ADGRL1: variants seen among roughly 807,000 people sequenced by gnomAD.
ADGRL1 encodes the protein adhesion G protein-coupled receptor L1.
A neutral mutation model predicts 148.9 loss-of-function variants in ADGRL1; 31 were observed. The ratio of observed to expected loss-of-function variants is 0.21; its 90% CI spans 0.16 to 0.28. ADGRL1 has a LOEUF of 0.28. Ranked by LOEUF, ADGRL1 falls within the 10% of genes least tolerant of loss-of-function variation. The probability of loss-of-function intolerance (pLI) is 1.00; values close to 1 mark genes in which losing one functional copy is unlikely to be tolerated. For missense variants in ADGRL1, 1,521 were observed against 2,058.8 expected (o/e 0.74, Z 5.05); for synonymous variants, 937 against 900.3 (o/e 1.04, Z -0.73).
rs770032962 is a variant in ADGRL1, at chr19:14,152,953, T to C, written c.3295-41A>G. 6.2e-7 allele frequency: 1 copy of C among 1,605,324 alleles called. No homozygotes were observed. The highest frequency in any genetic ancestry group is 1.3e-5 in the African/African-American group (1 of 74,840). ...CAGTCAGCTGGCTGGGACACTGGCC[T>C]CCTCTGTGATCCAGTCTCCCACAGG... On this transcript the variant is annotated intron_variant, in intron 18 of 22. Transcript: ENST00000361434. This position sits in a 1 kb window ranked among gnomAD's most constrained non-coding sequence, Gnocchi z 6.1.
intron 1 of ADGRL1, among the ~76,000 whole-genome samples, chr19:14,192,301 C>T (rs1205639677): frequency 2.0e-5 from 3 of 152,168 alleles, no homozygotes; most frequent in South Asian, 4.2e-4. Context: ...AGTGCAGTGG[C>T]GCGATCTCGG....
At position 14,157,609 on chromosome 19, in the gene ADGRL1, C is replaced by G. The variant is rs572947583; in HGVS notation, c.2536-149G>C. 3.8e-6 allele frequency: 3 copies of G among 785,984 alleles called. No individual in the cohort carries two copies. Among genetic ancestry groups the G allele is most frequent in the African/African-American group, 3.5e-5 (2 of 57,400 alleles). 48.7% of individuals were successfully genotyped at this position (785,984 alleles called of 1,614,324 possible). A position where few individuals can be genotyped will look rare whatever the true frequency, so the allele number is the denominator to read the frequency against. On this transcript the variant is annotated intron_variant, in intron 13 of 22. Coordinates refer to ENST00000361434, the MANE Select transcript of ADGRL1 (RefSeq NM_014921.5). This position sits in a 1 kb window ranked among gnomAD's most constrained non-coding sequence, Gnocchi z 7.5. ...ACCTGGCAGCCCTCACCCCTCTGCA[C>G]GCAGCAATGCGCTCACTTCCTCATG...
chr19:14,155,571 G>T lies in ADGRL1; in HGVS notation c.3126-44C>A. 2 of 1,602,904 alleles carry T rather than the reference G, an allele frequency of 1.2e-6. No individual in the cohort carries two copies. The highest frequency in any genetic ancestry group is 1.7e-6 in the Non-Finnish European group (2 of 1,174,438). On this transcript the variant is annotated intron_variant, in intron 17 of 22. Coordinates refer to ENST00000361434, the MANE Select transcript of ADGRL1 (RefSeq NM_014921.5). This position sits in a 1 kb window ranked among gnomAD's most constrained non-coding sequence, Gnocchi z 5.0. ...GGGAGTCAAAGTACCCGCCGGAGGGGACGGCCTCAGCCCAGGCCTCCCCTG... is the reference window on the plus strand; with the variant it reads ...GGGAGTCAAAGTACCCGCCGGAGGGTACGGCCTCAGCCCAGGCCTCCCCTG...
chr19:14,162,765 T>C lies in ADGRL1; in HGVS notation c.1036A>G (p.Asn346Asp). The change falls in exon 5 of 23, where the codon AAT becomes GAT. Residue 346 changes from asparagine (N) to aspartate (D), a missense_variant. Transcript: ENST00000361434. This position sits in a 1 kb window ranked among gnomAD's most constrained non-coding sequence, Gnocchi z 5.4. ...GNRVDYAFNT[N>D]ANREEPVSLT... The stretch of plus-strand genomic sequence containing the variant: ...CTGACAGGCTCCTCGCGGTTGGCAT[T>C]GGTGTTGAAGGCATAGTCCACGCGG... 1 of 1,614,058 alleles carries C rather than the reference T, an allele frequency of 6.2e-7. No homozygotes were observed.
At chr19:14,196,211 A>C (rs905436699) in intron 1 of ADGRL1, among the ~76,000 whole-genome samples, 22 of 152,214 alleles carry the variant, frequency 1.4e-4, no homozygotes, top group Non-Finnish European at 3.1e-4. Context: ...TGTTTCCCCC[A>C]GGGCCACCAG....
intron 1 of ADGRL1, among the ~76,000 whole-genome samples, chr19:14,184,424 T>C (rs1971433762): frequency 6.6e-6 from 1 of 151,300 alleles, no homozygotes; most frequent in African/African-American, 2.4e-5. Context: ...GTTTTTTTTT[T>C]CATTATTATT....
rs1599421305 is a variant in ADGRL1, at chr19:14,162,554, T to G, written c.1195+52A>C. ...TCTGGGACCCAGGGGTGGGTGGGGG[T>G]GGAGGGGACAAAGGCAAGCAGGCTC... On this transcript the variant is annotated intron_variant, in intron 5 of 22. Transcript: ENST00000361434. The surrounding 1 kb of genome is among the most constrained non-coding windows in gnomAD (Gnocchi z 5.4). 2.0e-6 allele frequency: 3 copies of G among 1,512,718 alleles called. No individual in the cohort carries two copies. The highest frequency in any genetic ancestry group is 1.2e-5 in the South Asian group (1 of 80,264). The allele number at this position is 1,512,718 out of a possible 1,614,324, so 93.7% of individuals were successfully genotyped here.
At chr19:14,153,280 A>G (rs1350893622) in intron 18 of ADGRL1, among the ~76,000 whole-genome samples, 1 of 152,208 alleles carries the variant, frequency 6.6e-6, no homozygotes. Flanking sequence ...CTGAGAGCTT[A>G]TATTTCAGTA....
chr19:14,172,909 T>C (rs554659038), intron 3 of ADGRL1, among the ~76,000 whole-genome samples: 1 of 152,336 alleles, frequency 6.6e-6, no homozygotes, highest in African/African-American at 2.4e-5. Context: ...AATATTTTAC[T>C]ACTAAAAATT....
In ADGRL1 at chr19:14,152,512, C is replaced by T. The variant is rs1370868163; in HGVS notation, c.3520+5G>A. On this transcript the variant is annotated splice_donor_5th_base_variant and intron_variant, in intron 20 of 22. Transcript: ENST00000361434. The surrounding 1 kb of genome is among the most constrained non-coding windows in gnomAD (Gnocchi z 6.1). ...GAAGCCAGAGGCAGAAGGATGCCTTCTCACCTCGGTTCAGGGTGGGGGTGC... is the reference window on the plus strand; with the variant it reads ...GAAGCCAGAGGCAGAAGGATGCCTTTTCACCTCGGTTCAGGGTGGGGGTGC... The T allele has an allele frequency of 5.6e-6, 9 of 1,613,792 alleles. No homozygotes were observed. Among genetic ancestry groups the T allele is most frequent in the Non-Finnish European group, 7.6e-6 (9 of 1,179,812 alleles).
At chr19:14,202,472 C>T (rs1411041774) in intron 1 of ADGRL1, among the ~76,000 whole-genome samples, 6 of 152,038 alleles carry the variant, frequency 3.9e-5, no homozygotes, top group South Asian at 4.1e-4. Flanking sequence ...AGGCTGGTCT[C>T]GAGCCCCTGA....
Position 14,160,062 on chromosome 19 carries a change from G to A in ADGRL1, c.1800+50C>T, listed in dbSNP as rs772993846. On this transcript the variant is annotated intron_variant, in intron 8 of 22. Transcript: ENST00000361434. The surrounding 1 kb of genome is among the most constrained non-coding windows in gnomAD (Gnocchi z 5.9). Reference sequence around the variant, plus strand: ...CAGGTCAGGTACTTCCCAAGCCCCTGGGGGCAGGCGCCCTCCCCATACCAG... The same window carrying A: ...CAGGTCAGGTACTTCCCAAGCCCCTAGGGGCAGGCGCCCTCCCCATACCAG... The A allele has an allele frequency of 3.9e-5, 59 of 1,523,222 alleles. No individual in the cohort carries two copies. Among genetic ancestry groups the A allele is most frequent in the Non-Finnish European group, 4.6e-5 (52 of 1,129,996 alleles). The allele number at this position is 1,523,222 out of a possible 1,614,324, so 94.4% of individuals were successfully genotyped here. A position where few individuals can be genotyped will look rare whatever the true frequency, so the allele number is the denominator to read the frequency against.
intron 1 of ADGRL1, among the ~76,000 whole-genome samples, chr19:14,190,174 C>CT (rs1240800873): frequency 1.3e-5 from 2 of 152,130 alleles, no homozygotes; most frequent in Non-Finnish European, 2.9e-5. Flanking sequence ...ATCTGCCTGC[C>CT]TCGGCCTCCC....
At position 14,163,268 on chromosome 19, in the gene ADGRL1, C is replaced by T. The variant is rs757439842; in HGVS notation, c.533G>A (p.Arg178His). ...GGCATACTCAGTCAGTGTGTCCGTG[C>T]GGTAGGGGATCCAGGGCATCACGTA... is the stretch of plus-strand genomic sequence containing the variant. ...RIYVMPWIPYRTDTLTEYASW... is the reference protein window; with the variant it reads ...RIYVMPWIPYHTDTLTEYASW... The change falls in exon 5 of 23, where the codon CGC becomes CAC. Residue 178 changes from arginine (R) to histidine (H), a missense_variant. By Grantham distance (29) the Arg-to-His change is conservative. Transcript: ENST00000361434. 25 of 1,613,572 alleles carry T rather than the reference C, an allele frequency of 1.5e-5. No individual in the cohort carries two copies. Among genetic ancestry groups the T allele is most frequent in the Non-Finnish European group, 2.0e-5 (24 of 1,180,034 alleles).
chr19:14,193,118 C>G lies in ADGRL1; in HGVS notation c.-95-9421G>C, dbSNP rs10419702. ...GAGTTCCCCAGGAGCACGACGCCCT[C>G]TCCCCAGAGTGGCTCCCCTAGGAAG... On this transcript the variant is annotated intron_variant, in intron 1 of 22. Transcript: ENST00000361434. 1.9e-3 allele frequency among the ~76,000 whole-genome samples: 288 copies of G among 152,168 alleles called. 1 individual carries two copies. The highest frequency in any genetic ancestry group is 6.1e-3 in the African/African-American group (254 of 41,504).
intron 18 of ADGRL1, among the ~76,000 whole-genome samples, chr19:14,154,563 T>A (rs2144638037): frequency 6.6e-6 from 1 of 152,180 alleles, no homozygotes; most frequent in Middle Eastern, 3.4e-3. Flanking sequence ...GTGCTGGGAT[T>A]ACAGGCATGA....
intron 4 of ADGRL1, 127 bp from the exon 5 acceptor site, chr19:14,163,533 G>A (rs1969656725): frequency 1.4e-6 from 1 of 730,814 alleles, no homozygotes; most frequent in South Asian, 1.9e-5. Flanking sequence ...GCTGCTGGTG[G>A]GGAGCCAGGT....
chr19:14,194,551 C>T (rs1252858279), intron 1 of ADGRL1, among the ~76,000 whole-genome samples: 1 of 152,196 alleles, frequency 6.6e-6, no homozygotes, highest in Non-Finnish European at 1.5e-5. Context: ...GATGCTTGTA[C>T]CCACAGTTTA....
chr19:14,195,090 G>A lies in ADGRL1; in HGVS notation c.-96+10895C>T, dbSNP rs3786659. ...TGTAGAGATGAGGTTTCACCATGTT[G>A]CCCAGGCTGGTCTTGAATTCCTGGG... On this transcript the variant is annotated intron_variant, in intron 1 of 22. Transcript: ENST00000361434. Among the ~76,000 whole-genome samples, 68 of 152,052 alleles carry A rather than the reference G, an allele frequency of 4.5e-4. 2 individuals carry two copies. In the East Asian group the frequency reaches 0.013, roughly 29 times the overall value.
Sources: allele counts gnomAD v4.1 joint callset (sites outside exome capture counted in the v4.1 genomes callset), GRCh38; gene constraint gnomAD v4.1.1; non-coding constraint Gnocchi (gnomAD v3.1); transcripts MANE v1.5; gene names NCBI Gene and HGNC (gene_info 2026-07-23, HGNC 2026-07-21).